The following RANBP2 variants were observed in gnomAD, a reference collection of about 807,000 sequenced individuals.
RANBP2 encodes E3 SUMO-protein ligase RanBP2.
Under a neutral mutation model 303.6 loss-of-function variants are expected in RANBP2, and 57 were observed. The ratio of observed to expected loss-of-function variants is 0.19; its 90% confidence interval spans 0.15 to 0.23. The LOEUF (loss-of-function observed/expected upper bound fraction) is 0.23, where lower values mean the gene tolerates loss of function less well. RANBP2 is among the 10% of genes least tolerant of loss of function. The pLI is 1.00. For missense variants in RANBP2, 3,138 were observed against 3,780.8 expected, an observed-to-expected ratio of 0.83 and a Z score of 4.46; for synonymous variants, 1,167 against 1,301.5, an observed-to-expected ratio of 0.90 and a Z score of 2.23.
chr2:109,210,668 T>C, the RANBP2 span, among the ~76,000 whole-genome samples: 16 of 152,134 alleles, frequency 1.1e-4, no homozygotes, highest in Non-Finnish European at 1.6e-4. Flanking sequence ...TCTGATGAGC[T>C]TACTCCAGGT....
At chr2:109,526,900 C>A in the RANBP2 span, among the ~76,000 whole-genome samples, 1 of 152,126 alleles carries the variant, frequency 6.6e-6, no homozygotes, top group Non-Finnish European at 1.5e-5. Context: ...TCTGCCTCAG[C>A]CAGCACATGT....
chr2:109,604,599 T>G, the RANBP2 span, among the ~76,000 whole-genome samples: 5 of 151,294 alleles, frequency 3.3e-5, no homozygotes, highest in African/African-American at 9.7e-5. Flanking sequence ...TGGTGGCGGG[T>G]GCCTGTAGTC....
chr2:108,881,893 C>T, the RANBP2 span, among the ~76,000 whole-genome samples: 1 of 152,140 alleles, frequency 6.6e-6, no homozygotes, highest in African/African-American at 2.4e-5. Flanking sequence ...CTTGTAACCC[C>T]AGCACTTTGG....
rs774682794 is a variant in RANBP2 at position 108,775,714 on chromosome 2, G to C, written c.8293-18G>C. ...TAGCATTTAAGTGGCATAGTATTTTGTGACTTCCTCTTTGCAGAAATCTCA... is the reference window on the plus strand; with the variant it reads ...TAGCATTTAAGTGGCATAGTATTTTCTGACTTCCTCTTTGCAGAAATCTCA... On this transcript the variant is annotated intron_variant, in intron 23 of 28. Coordinates refer to ENST00000283195, the MANE Select transcript of RANBP2 (RefSeq NM_006267.5). 6.2e-7 allele frequency: 1 copy of C among 1,612,858 alleles called. No individual in the cohort carries two copies. Among genetic ancestry groups the C allele is most frequent in the South Asian group, 1.1e-5 (1 of 91,060 alleles).
chr2:109,167,640 C>T, the RANBP2 span, among the ~76,000 whole-genome samples: 970 of 152,312 alleles, frequency 6.4e-3, 14 homozygotes, highest in African/African-American at 0.02. Flanking sequence ...GGCACGATCT[C>T]GGCTCACTGC....
At chr2:108,781,946 G>A (rs1678284236) in intron 26 of RANBP2, among the ~76,000 whole-genome samples, 182 bp from the exon 27 acceptor site, 1 of 152,078 alleles carries the variant, frequency 6.6e-6, no homozygotes, top group South Asian at 2.1e-4. Flanking sequence ...GATAAATCAG[G>A]TCTTTACTCC....
At chr2:109,056,627 C>T in the RANBP2 span, among the ~76,000 whole-genome samples, 2 of 152,172 alleles carry the variant, frequency 1.3e-5, no homozygotes, top group East Asian at 1.9e-4. Flanking sequence ...TATAAGATGG[C>T]TTTTCGAGGA....
chr2:109,744,604 A>G, the RANBP2 span, among the ~76,000 whole-genome samples: 1 of 102,670 alleles, frequency 9.7e-6, no homozygotes, highest in African/African-American at 2.7e-5. Context: ...TTAACAAGTA[A>G]GAGATCTGAA....
At chr2:109,447,720 T>A in the RANBP2 span, among the ~76,000 whole-genome samples, 1 of 152,190 alleles carries the variant, frequency 6.6e-6, no homozygotes. Context: ...AGGAGATAAT[T>A]CCCTGAAATT....
the RANBP2 span, among the ~76,000 whole-genome samples, chr2:108,843,324 C>G: frequency 6.6e-6 from 1 of 151,834 alleles, no homozygotes; most frequent in African/African-American, 2.4e-5. Flanking sequence ...TGCCTGTCTA[C>G]TTTTTGTATT....
chr2:109,158,990 G>T, the RANBP2 span, among the ~76,000 whole-genome samples: 3 of 152,220 alleles, frequency 2.0e-5, no homozygotes, highest in Non-Finnish European at 2.9e-5. Flanking sequence ...GGTGGCACAC[G>T]CCTGTAATCC....
At chr2:109,147,519 A>AAGG in the RANBP2 span, among the ~76,000 whole-genome samples, 1 of 152,192 alleles carries the variant, frequency 6.6e-6, no homozygotes, top group African/African-American at 2.4e-5. Flanking sequence ...CACTTGAAGG[A>AAGG]ATTAGCACTA....
chr2:109,339,589 T>G, the RANBP2 span, among the ~76,000 whole-genome samples: 3 of 152,176 alleles, frequency 2.0e-5, no homozygotes, highest in African/African-American at 7.2e-5. Flanking sequence ...GGAGGGTGCC[T>G]GGGTGGGGCT....
At chr2:109,117,306 T>C in the RANBP2 span, among the ~76,000 whole-genome samples, 1 of 152,256 alleles carries the variant, frequency 6.6e-6, no homozygotes, top group Non-Finnish European at 1.5e-5. Context: ...GCTTCCTGGC[T>C]GCTTGGTTTA....
the RANBP2 span, among the ~76,000 whole-genome samples, chr2:109,383,203 A>G: frequency 9.6e-3 from 1,459 of 152,348 alleles, 25 homozygotes; most frequent in African/African-American, 0.033. Context: ...GGGTGCCTGT[A>G]GGATGACAGC....
At chr2:109,112,909 GT>G in the RANBP2 span, among the ~76,000 whole-genome samples, 1 of 152,088 alleles carries the variant, frequency 6.6e-6, no homozygotes, top group East Asian at 1.9e-4. Flanking sequence ...CCCATTGCTT[GT>G]TTTTCTCAGG....
chr2:108,800,517 G>A, the RANBP2 span, among the ~76,000 whole-genome samples: 9 of 148,702 alleles, frequency 6.1e-5, no homozygotes, highest in East Asian at 2.0e-4. Flanking sequence ...CACCTGCCTC[G>A]CCCTCCCAAA....
the RANBP2 span, among the ~76,000 whole-genome samples, chr2:109,334,782 CTG>C: frequency 2.5e-5 from 1 of 40,548 alleles, no homozygotes; most frequent in African/African-American, 2.7e-4. Context: ...GTTCCTGCCT[CTG>C]TTTTTCTCTC....
At chr2:108,956,479 T>G in the RANBP2 span, among the ~76,000 whole-genome samples, 2 of 152,198 alleles carry the variant, frequency 1.3e-5, no homozygotes, top group Non-Finnish European at 2.9e-5. Flanking sequence ...GTCTCTCACG[T>G]CAGCAGGTTC....
Sources: gnomAD v4.1 joint callset for allele counts (sites outside exome capture counted in the v4.1 genomes callset) on GRCh38, gnomAD v4.1.1 for gene constraint, MANE v1.5 for transcripts, NCBI Gene and HGNC (gene_info 2026-07-23, HGNC 2026-07-21) for gene names.